The following DGKB variants were observed in gnomAD, a reference collection of about 807,000 sequenced individuals.
DGKB encodes diacylglycerol kinase beta, also known as 90 kDa diacylglycerol kinase.
DGKB carries 67 observed loss-of-function variants against 114.3 expected under a neutral mutation model. The ratio of observed to expected loss-of-function variants is 0.59; its 90% confidence interval spans 0.48 to 0.72. DGKB has a LOEUF of 0.72. DGKB is among the 30% of genes least tolerant of loss of function. The pLI is 0.00. For missense variants in DGKB, 907 were observed against 975.2 expected, an observed-to-expected ratio of 0.93 and a Z score of 0.93; for synonymous variants, 398 against 323.1, an observed-to-expected ratio of 1.23 and a Z score of -2.49.
At chr7:14,764,650 A>G (rs1182730135) in intron 2 of DGKB, among the ~76,000 whole-genome samples, 2 of 151,950 alleles carry the variant, frequency 1.3e-5, no homozygotes, top group African/African-American at 4.8e-5. Context: ...ATCCTTAAAT[A>G]CATGCATAAA....
At chr7:14,173,478 A>G (rs1290879251) in intron 25 of DGKB, among the ~76,000 whole-genome samples, 2 of 152,192 alleles carry the variant, frequency 1.3e-5, no homozygotes, top group Non-Finnish European at 2.9e-5. Context: ...TTAAGCATTA[A>G]TTGATATTTC....
intron 1 of DGKB, among the ~76,000 whole-genome samples, chr7:14,937,067 C>A (rs1785311251): frequency 1.5e-5 from 2 of 136,012 alleles, no homozygotes; most frequent in African/African-American, 3.0e-5. Flanking sequence ...CACACACACA[C>A]ACACACATCT....
chr7:14,380,502 C>T (rs1344583423), intron 21 of DGKB, among the ~76,000 whole-genome samples: 4 of 152,030 alleles, frequency 2.6e-5, no homozygotes, highest in African/African-American at 9.7e-5. Flanking sequence ...AAATAAATAT[C>T]ACTCATATTG....
At chr7:14,220,530 G>C (rs563167699) in intron 23 of DGKB, among the ~76,000 whole-genome samples, 1 of 151,468 alleles carries the variant, frequency 6.6e-6, no homozygotes, top group Non-Finnish European at 1.5e-5. Context: ...CTCATGGTTT[G>C]TACTCCTTTT....
chr7:14,395,176 A>C (rs565939787), intron 21 of DGKB, among the ~76,000 whole-genome samples: 1 of 152,224 alleles, frequency 6.6e-6, no homozygotes, highest in South Asian at 2.1e-4. Context: ...AATGCTATTA[A>C]TTATGAAAGA....
At chr7:14,671,890 T>A (rs574242834) in intron 13 of DGKB, among the ~76,000 whole-genome samples, 1 of 152,162 alleles carries the variant, frequency 6.6e-6, no homozygotes, top group East Asian at 1.9e-4. Context: ...GGCTCTCATT[T>A]TATTTAATTA....
At chr7:14,279,021 C>T (rs1244931939) in intron 23 of DGKB, among the ~76,000 whole-genome samples, 1 of 152,124 alleles carries the variant, frequency 6.6e-6, no homozygotes, top group Non-Finnish European at 1.5e-5. Flanking sequence ...TCAGTGGGTG[C>T]ACGCACCGTG....
At chr7:14,163,408 A>G (rs187194514) in intron 25 of DGKB, among the ~76,000 whole-genome samples, 3 of 152,362 alleles carry the variant, frequency 2.0e-5, no homozygotes, top group Admixed American at 2.0e-4. Context: ...TAATTAATGC[A>G]TAAGTAACAG....
chr7:14,298,298 T>G (rs1802924678), intron 23 of DGKB, among the ~76,000 whole-genome samples: 1 of 152,054 alleles, frequency 6.6e-6, no homozygotes, highest in Admixed American at 6.6e-5. Context: ...CTACCTGACT[T>G]CAAACTATAC....
chr7:14,232,331 C>G (rs1326056718), intron 23 of DGKB, among the ~76,000 whole-genome samples: 1 of 150,962 alleles, frequency 6.6e-6, no homozygotes, highest in Admixed American at 6.6e-5. Flanking sequence ...AAAGGCTGCC[C>G]TGCTCGAAAT....
At chr7:14,823,812 C>A (rs920382419) in intron 2 of DGKB, among the ~76,000 whole-genome samples, 1 of 152,120 alleles carries the variant, frequency 6.6e-6, no homozygotes, top group Non-Finnish European at 1.5e-5. Context: ...AATGTAATTT[C>A]ATCAGTTGCC....
intron 25 of DGKB, among the ~76,000 whole-genome samples, chr7:14,166,696 G>C (rs956674486): frequency 2.0e-5 from 3 of 152,132 alleles, no homozygotes; most frequent in Non-Finnish European, 4.4e-5. Context: ...GCAAATTGGG[G>C]AAGAAGACCA....
intron 1 of DGKB, among the ~76,000 whole-genome samples, chr7:14,861,286 G>A (rs527549177): frequency 7.3e-5 from 11 of 151,644 alleles, no homozygotes; most frequent in South Asian, 2.1e-4. Flanking sequence ...AGAAAATACC[G>A]TTACTACATA....
chr7:14,691,515 T>A (rs987982189), intron 9 of DGKB, among the ~76,000 whole-genome samples: 1 of 152,092 alleles, frequency 6.6e-6, no homozygotes, highest in Non-Finnish European at 1.5e-5. Flanking sequence ...CTAAAAAAGG[T>A]TCTCATCACT....
chr7:14,238,971 CTTTGT>C (rs1294474175), intron 23 of DGKB, among the ~76,000 whole-genome samples: 2 of 151,936 alleles, frequency 1.3e-5, no homozygotes, highest in Non-Finnish European at 2.9e-5. Flanking sequence ...TGAAGAAGGA[CTTTGT>C]TTTGTCAGCA....
At chr7:14,191,194 G>A (rs531935987) in intron 23 of DGKB, 4 of 162,572 alleles carry the variant, frequency 2.5e-5, no homozygotes, top group Admixed American at 1.9e-4. Flanking sequence ...ATGAACAGAC[G>A]TATGAGCATG....
At chr7:14,777,697 C>G (rs1272169548) in intron 2 of DGKB, among the ~76,000 whole-genome samples, 2 of 152,172 alleles carry the variant, frequency 1.3e-5, no homozygotes, top group East Asian at 3.9e-4. Context: ...ATAAATTACA[C>G]AGTCTCAGGT....
Position 14,567,139 on chromosome 7 carries a change from TTA to T in DGKB, c.1770+7071_1770+7072del, listed in dbSNP as rs569769620. On this transcript the variant is annotated intron_variant, in intron 20 of 25. Coordinates refer to ENST00000402815, the MANE Select transcript of DGKB (RefSeq NM_001350709.2). ...ATTATATAAATATATAATTATATGTTTATATATATAATATACAATTATATTTA... is the reference window on the plus strand; with the variant it reads ...ATTATATAAATATATAATTATATGTTTATATATAATATACAATTATATTTA... Among the ~76,000 whole-genome samples the T allele has an allele frequency of 2.6e-3, 277 of 108,546 alleles. 1 individual carries two copies. The highest frequency in any genetic ancestry group is 8.6e-3 in the African/African-American group (244 of 28,314). The allele number at this position is 108,546 out of a possible 152,430, so 71.2% of individuals were successfully genotyped here.
At chr7:14,558,543 T>TAAA (rs201583744) in intron 20 of DGKB, among the ~76,000 whole-genome samples, 1 of 152,058 alleles carries the variant, frequency 6.6e-6, no homozygotes, top group African/African-American at 2.4e-5. Flanking sequence ...TCTGCTTTTT[T>TAAA]AAAAAAAACT....
Sources: gnomAD v4.1 joint callset for allele counts (sites outside exome capture counted in the v4.1 genomes callset) on GRCh38, gnomAD v4.1.1 for gene constraint, MANE v1.5 for transcripts, NCBI Gene and HGNC (gene_info 2026-07-23, HGNC 2026-07-21) for gene names.